The following IKZF3 variants were observed in gnomAD, a reference collection of about 807,000 sequenced individuals.
IKZF3 encodes the protein zinc finger protein Aiolos.
In IKZF3, 10 loss-of-function variants were observed where a neutral mutation model predicts 49.0. That is an observed-to-expected ratio of 0.20 (90% CI 0.13 to 0.35). IKZF3 has a LOEUF of 0.35. IKZF3 is among the 10% of genes least tolerant of loss of function. The pLI is 1.00. For synonymous variants in IKZF3, 209 were observed against 228.2 expected (o/e 0.92, Z 0.76); for missense variants, 498 against 664.8 (o/e 0.75, Z 2.76).
intron 3 of IKZF3, among the ~76,000 whole-genome samples, chr17:39,827,289 G>A (rs550664977): frequency 2.1e-5 from 3 of 141,038 alleles, no homozygotes; most frequent in Non-Finnish European, 3.1e-5. Context: ...GAGTCACCAC[G>A]GCCGGCCTGT....
At chr17:39,843,068 G>A (rs2062525608) in intron 1 of IKZF3, among the ~76,000 whole-genome samples, 1 of 152,192 alleles carries the variant, frequency 6.6e-6, no homozygotes, top group African/African-American at 2.4e-5. Flanking sequence ...GGTCATGAAA[G>A]ACTGAAGAAC....
At chr17:39,806,634 G>A (rs942973739) in intron 3 of IKZF3, among the ~76,000 whole-genome samples, 1 of 151,958 alleles carries the variant, frequency 6.6e-6, no homozygotes, top group African/African-American at 2.4e-5. Context: ...ATCCGTTGCT[G>A]GTGGGAGTGT....
intron 4 of IKZF3, among the ~76,000 whole-genome samples, chr17:39,791,896 T>C (rs939000049): frequency 6.7e-6 from 1 of 149,612 alleles, no homozygotes; most frequent in Non-Finnish European, 1.5e-5. Context: ...CCTTTTTTTT[T>C]TTTTTTTTTT....
intron 1 of IKZF3, among the ~76,000 whole-genome samples, chr17:39,842,704 G>T (rs1320346342): frequency 1.3e-5 from 2 of 152,154 alleles, no homozygotes; most frequent in South Asian, 2.1e-4. Flanking sequence ...TTAACATTCT[G>T]ATGTTAATAA....
At position 39,792,675 on chromosome 17, in the gene IKZF3, G is replaced by A; in HGVS notation, c.422C>T (p.Thr141Ile). 3.1e-6 allele frequency: 5 copies of A among 1,613,420 alleles called. No individual in the cohort carries two copies. The highest frequency in any genetic ancestry group is 4.2e-6 in the Non-Finnish European group (5 of 1,179,562). Residue 141 changes from threonine to isoleucine, a missense_variant and splice_region_variant, in exon 4 of 8, where the codon ACT (threonine) becomes ATT (isoleucine). By Grantham distance (89) the Thr-to-Ile change is moderately conservative (BLOSUM62 -1). Coordinates refer to ENST00000346872, the MANE Select transcript of IKZF3 (RefSeq NM_012481.5). Reference protein sequence around the residue: ...NVLMVHKRSHTGERPFQCNQC... With the variant: ...NVLMVHKRSHIGERPFQCNQC... Reference sequence around the variant, plus strand: ...AATGAAAAAAGCAGACTATTTACCAGTATGGCTTCGCTTATGAACCATTAA... The same window carrying A: ...AATGAAAAAAGCAGACTATTTACCAATATGGCTTCGCTTATGAACCATTAA...
intron 1 of IKZF3, among the ~76,000 whole-genome samples, chr17:39,845,779 C>A (rs930907901): frequency 1.3e-5 from 2 of 152,130 alleles, no homozygotes; most frequent in East Asian, 3.8e-4. Flanking sequence ...GAGAAAGTTG[C>A]GGTTTTCACT....
intron 1 of IKZF3, among the ~76,000 whole-genome samples, chr17:39,858,318 AG>A (rs2063124979): frequency 1.3e-5 from 2 of 152,108 alleles, no homozygotes; most frequent in Non-Finnish European, 2.9e-5. Context: ...AAGAAAGAAA[AG>A]TTTCCTTTGT....
At chr17:39,817,760 A>G (rs1368751549) in intron 3 of IKZF3, among the ~76,000 whole-genome samples, 1 of 152,194 alleles carries the variant, frequency 6.6e-6, no homozygotes, top group Non-Finnish European at 1.5e-5. Flanking sequence ...TATATATTTT[A>G]TAAAAGCAGG....
chr17:39,797,368 A>G (rs2061194493), intron 3 of IKZF3, among the ~76,000 whole-genome samples: 1 of 150,620 alleles, frequency 6.6e-6, no homozygotes, highest in Non-Finnish European at 1.5e-5. Context: ...AATCCTCAAC[A>G]CTACTGACCA....
intron 3 of IKZF3, among the ~76,000 whole-genome samples, chr17:39,829,045 A>C (rs539713504): frequency 4.6e-5 from 7 of 152,300 alleles, no homozygotes; most frequent in Middle Eastern, 3.4e-3. Context: ...TTGGACACCA[A>C]GTCATTGTCG....
Position 39,864,154 on chromosome 17 carries a change from C to A in IKZF3, c.-28G>T. On this transcript the variant is annotated 5_prime_UTR_variant, in exon 1 of 8. Coordinates refer to ENST00000346872, the MANE Select transcript of IKZF3 (RefSeq NM_012481.5). Reference sequence around the variant, plus strand: ...CGCTGCCGGGCCGGGCTGGAGCTGCCGCTGTGGCTACTCGGCCTCTCCACG... The same window carrying A: ...CGCTGCCGGGCCGGGCTGGAGCTGCAGCTGTGGCTACTCGGCCTCTCCACG... 6.2e-7 allele frequency: 1 copy of A among 1,611,834 alleles called. No individual in the cohort carries two copies. The highest frequency in any genetic ancestry group is 8.5e-7 in the Non-Finnish European group (1 of 1,179,152).
intron 3 of IKZF3, among the ~76,000 whole-genome samples, chr17:39,798,280 AG>A (rs34137841): frequency 0.057 from 8,647 of 152,222 alleles, 374 homozygotes; most frequent in African/African-American, 0.12. Flanking sequence ...GTCATGTCAT[AG>A]CCCTGTCAAA....
At chr17:39,859,890 C>T (rs1343115926) in intron 1 of IKZF3, among the ~76,000 whole-genome samples, 1 of 152,152 alleles carries the variant, frequency 6.6e-6, no homozygotes, top group Non-Finnish European at 1.5e-5. Context: ...CAGTTCTTCT[C>T]ATACATGGTC....
intron 1 of IKZF3, among the ~76,000 whole-genome samples, chr17:39,851,280 C>T (rs949094060): frequency 6.6e-6 from 1 of 151,894 alleles, no homozygotes; most frequent in Non-Finnish European, 1.5e-5. Context: ...CTGCCCGCCT[C>T]GGTCTCCCAA....
intron 3 of IKZF3, among the ~76,000 whole-genome samples, chr17:39,804,088 C>A (rs761424230): frequency 5.9e-5 from 9 of 152,142 alleles, no homozygotes; most frequent in Admixed American, 3.3e-4. Context: ...AGGTGGGGAC[C>A]AGGTTTAAAT....
intron 3 of IKZF3, among the ~76,000 whole-genome samples, chr17:39,822,064 G>T (rs2061822772): frequency 6.6e-6 from 1 of 152,148 alleles, no homozygotes; most frequent in South Asian, 2.1e-4. Context: ...AGCTGACCTG[G>T]TGGACCAGAT....
At chr17:39,789,542 G>A (rs1176539621) in intron 5 of IKZF3, among the ~76,000 whole-genome samples, 4 of 151,760 alleles carry the variant, frequency 2.6e-5, no homozygotes, top group East Asian at 2.0e-4. Context: ...CAGCCTGGGC[G>A]GCAGAGTGAG....
At chr17:39,778,706 C>G (rs1237869961) in intron 6 of IKZF3, among the ~76,000 whole-genome samples, 3 of 152,208 alleles carry the variant, frequency 2.0e-5, no homozygotes, top group Non-Finnish European at 4.4e-5. Flanking sequence ...GAGGCTGAGG[C>G]AGGAGAATCA....
At chr17:39,821,423 G>A (rs2061807361) in intron 3 of IKZF3, among the ~76,000 whole-genome samples, 1 of 152,116 alleles carries the variant, frequency 6.6e-6, no homozygotes, top group African/African-American at 2.4e-5. Context: ...TTTGATTCCT[G>A]AGTGGCCATA....
Sources: gnomAD v4.1 joint callset for allele counts (sites outside exome capture counted in the v4.1 genomes callset) on GRCh38, gnomAD v4.1.1 for gene constraint, MANE v1.5 for transcripts, NCBI Gene and HGNC (gene_info 2026-07-23, HGNC 2026-07-21) for gene names.